The following FAM81A variants were observed in gnomAD, a reference collection of about 807,000 sequenced individuals.
The protein encoded by FAM81A is family with sequence similarity 81 member A.
FAM81A carries 19 observed loss-of-function variants against 46.7 expected under a neutral mutation model. The observed-to-expected ratio is 0.41, with a 90% confidence interval of 0.28 to 0.60. The LOEUF is 0.60. Ranked by LOEUF, FAM81A falls within the 20% of genes least tolerant of loss-of-function variation. The probability of loss-of-function intolerance (pLI) is 0.34; values close to 1 mark genes in which losing one functional copy is unlikely to be tolerated. For missense variants in FAM81A, 377 were observed against 453.5 expected, an observed-to-expected ratio of 0.83 and a Z score of 1.53; for synonymous variants, 183 against 152.9, an observed-to-expected ratio of 1.20 and a Z score of -1.45.
chr15:59,399,130 C>T (rs1270480352), intron 1 of FAM81A, among the ~76,000 whole-genome samples: 2 of 152,170 alleles, frequency 1.3e-5, no homozygotes, highest in Non-Finnish European at 2.9e-5. Context: ...GATCACACCA[C>T]TGCACTCCAG....
chr15:59,420,243 C>A (rs2081165970), intron 2 of FAM81A, among the ~76,000 whole-genome samples: 1 of 151,994 alleles, frequency 6.6e-6, no homozygotes, highest in South Asian at 2.1e-4. Context: ...TTCTGGCAAT[C>A]CCCATTATAC....
chr15:59,523,306 G>A lies in FAM81A; in HGVS notation c.*1928G>A, dbSNP rs940944091. On this transcript the variant is annotated 3_prime_UTR_variant, in exon 9 of 9. Transcript: ENST00000288228. ...CTTGGCTACATGTTGAAATCATCCA[G>A]AGGAGTTGGGAAATCTACTGATGCC... is the stretch of plus-strand genomic sequence containing the variant. The A allele has an allele frequency of 6.6e-6, 1 of 152,280 alleles. No individual in the cohort carries two copies. Among genetic ancestry groups the A allele is most frequent in the African/African-American group, 2.4e-5 (1 of 41,468 alleles). 9.4% of individuals were successfully genotyped at this position (152,280 alleles called of 1,614,324 possible). A position where few individuals can be genotyped will look rare whatever the true frequency, so the allele number is the denominator to read the frequency against.
chr15:59,414,865 G>A (rs1006655145), intron 2 of FAM81A, among the ~76,000 whole-genome samples: 9 of 152,104 alleles, frequency 5.9e-5, no homozygotes, highest in African/African-American at 1.9e-4. Context: ...ACCCAGGCTG[G>A]AGTGCAGTGG....
chr15:59,464,393 T>G (rs1439609256), intron 3 of FAM81A, among the ~76,000 whole-genome samples: 1 of 152,228 alleles, frequency 6.6e-6, no homozygotes, highest in Non-Finnish European at 1.5e-5. Context: ...GGAACCTCCA[T>G]ACTTTTCTCC....
chr15:59,500,896 A>T (rs2082084250), intron 4 of FAM81A, among the ~76,000 whole-genome samples: 1 of 152,102 alleles, frequency 6.6e-6, no homozygotes, highest in South Asian at 2.1e-4. Flanking sequence ...CATTGTTATT[A>T]TACATTCCTT....
chr15:59,508,584 G>A (rs2082172844), intron 5 of FAM81A, among the ~76,000 whole-genome samples: 2 of 152,196 alleles, frequency 1.3e-5, no homozygotes. Context: ...GGTAGAAGTT[G>A]CGGTCTTGGG....
chr15:59,403,114 C>T (rs1273887171), intron 2 of FAM81A, among the ~76,000 whole-genome samples: 1 of 152,108 alleles, frequency 6.6e-6, no homozygotes, highest in East Asian at 1.9e-4. Flanking sequence ...CATGCTCCAT[C>T]AGAGGTCTCT....
intron 2 of FAM81A, among the ~76,000 whole-genome samples, chr15:59,428,242 A>G (rs564209549): frequency 1.3e-5 from 2 of 152,170 alleles, no homozygotes; most frequent in South Asian, 4.1e-4. Context: ...TCCATTTTAA[A>G]TTGGATTATT....
chr15:59,437,586 A>C (rs946186807), upstream of FAM81A, among the ~76,000 whole-genome samples: 7 of 152,104 alleles, frequency 4.6e-5, no homozygotes, highest in African/African-American at 1.4e-4. Context: ...CTGGGTCCCA[A>C]CTGCAGGTGT....
intron 4 of FAM81A, among the ~76,000 whole-genome samples, chr15:59,496,158 A>C (rs1938949351): frequency 1.3e-5 from 2 of 151,908 alleles, no homozygotes; most frequent in African/African-American, 4.8e-5. Context: ...TCTTACATTT[A>C]GGCCTGTGAT....
chr15:59,496,499 G>A (rs960561425), intron 4 of FAM81A, among the ~76,000 whole-genome samples: 3 of 152,190 alleles, frequency 2.0e-5, no homozygotes, highest in African/African-American at 7.2e-5. Flanking sequence ...CAGCTACTCA[G>A]GAGGCTGAAG....
intron 1 of FAM81A, chr15:59,446,574 T>C (rs1034441822): frequency 1.4e-4 from 22 of 152,342 alleles, no homozygotes; most frequent in Admixed American, 1.4e-3. Flanking sequence ...GAATTCCCTT[T>C]ATGAATGTGA....
At chr15:59,447,045 T>G (rs914180558) in intron 1 of FAM81A, among the ~76,000 whole-genome samples, 21 of 152,218 alleles carry the variant, frequency 1.4e-4, no homozygotes, top group Non-Finnish European at 1.0e-4. Flanking sequence ...ATAGCACACT[T>G]GTTAAAGTAT....
At chr15:59,424,470 T>G (rs569580681) in intron 2 of FAM81A, among the ~76,000 whole-genome samples, 1 of 152,320 alleles carries the variant, frequency 6.6e-6, no homozygotes, top group East Asian at 1.9e-4. Context: ...AAGGATGGCT[T>G]CTGCTCAAAT....
intron 8 of FAM81A, among the ~76,000 whole-genome samples, chr15:59,520,011 C>T (rs1389331134): frequency 2.6e-5 from 4 of 152,132 alleles, no homozygotes; most frequent in South Asian, 2.1e-4. Context: ...ACCCACATCC[C>T]GCAGGCCACA....
At chr15:59,517,115 ATTCTT>A (rs1260867615) in intron 8 of FAM81A, among the ~76,000 whole-genome samples, 1 of 152,182 alleles carries the variant, frequency 6.6e-6, no homozygotes, top group African/African-American at 2.4e-5. Context: ...CCATCGGCCA[ATTCTT>A]TTCTGTTCAT....
chr15:59,400,748 T>A (rs1411451836), intron 1 of FAM81A, among the ~76,000 whole-genome samples: 2 of 152,218 alleles, frequency 1.3e-5, no homozygotes, highest in East Asian at 3.8e-4. Flanking sequence ...CCCAGTCTCT[T>A]TCTGTTGTCA....
intron 3 of FAM81A, among the ~76,000 whole-genome samples, chr15:59,481,163 T>TA (rs1268369699): frequency 8.7e-5 from 13 of 148,850 alleles, no homozygotes; most frequent in East Asian, 7.8e-4. Flanking sequence ...CTTGGCTAAT[T>TA]AAAAAAAAAA....
intron 3 of FAM81A, among the ~76,000 whole-genome samples, chr15:59,480,767 T>C (rs1056637955): frequency 1.3e-5 from 2 of 152,138 alleles, no homozygotes; most frequent in Admixed American, 1.3e-4. Flanking sequence ...ATATAATCTT[T>C]TTAAAAATAA....
Sources: allele counts gnomAD v4.1 joint callset (sites outside exome capture counted in the v4.1 genomes callset), GRCh38; gene constraint gnomAD v4.1.1; transcripts MANE v1.5; gene names NCBI Gene and HGNC (gene_info 2026-07-23, HGNC 2026-07-21).